Variants in FGF14 observed in about 807,000 individuals in gnomAD.
The protein encoded by FGF14 is fibroblast growth factor homologous factor 4.
In FGF14, 5 loss-of-function variants were observed where a neutral mutation model predicts 25.5. That is an observed-to-expected ratio of 0.20 (90% CI 0.10 to 0.41). FGF14 has a LOEUF of 0.41. Ranked by LOEUF, FGF14 falls within the 10% of genes least tolerant of loss-of-function variation. The pLI is 1.00. For missense variants in FGF14, 222 were observed against 320.1 expected, an observed-to-expected ratio of 0.69 and a Z score of 2.34; for synonymous variants, 138 against 118.3, an observed-to-expected ratio of 1.17 and a Z score of -1.08.
intron 1 of FGF14, among the ~76,000 whole-genome samples, chr13:102,181,325 A>G (rs1410720810): frequency 6.6e-6 from 1 of 152,184 alleles, no homozygotes; most frequent in African/African-American, 2.4e-5. Flanking sequence ...GACATGGTAA[A>G]AGGTAAAAGG....
intron 1 of FGF14, among the ~76,000 whole-genome samples, chr13:102,268,501 ATGT>A (rs2053099816): frequency 6.6e-6 from 1 of 152,074 alleles, no homozygotes; most frequent in South Asian, 2.1e-4. Flanking sequence ...TACATATATA[ATGT>A]TGTGGATACA....
intron 1 of FGF14, among the ~76,000 whole-genome samples, chr13:102,185,536 G>A (rs2048842134): frequency 6.7e-6 from 1 of 149,220 alleles, no homozygotes; most frequent in African/African-American, 2.6e-5. Context: ...AGAAATATAT[G>A]CATATTCTAT....
At chr13:102,295,003 T>C (rs1390090344) in intron 1 of FGF14, among the ~76,000 whole-genome samples, 1 of 152,172 alleles carries the variant, frequency 6.6e-6, no homozygotes, top group Non-Finnish European at 1.5e-5. Flanking sequence ...TATTTTAAAA[T>C]ACCTACTTTG....
rs148960140 is a variant in FGF14 at position 101,813,342 on chromosome 13, T to C, written c.408+55383A>G. ...GCTTTAGGAGGAGGTTACTGAGGACTGAGCCCTCATGGATAGAAATGGGGC... is the reference window on the plus strand; with the variant it reads ...GCTTTAGGAGGAGGTTACTGAGGACCGAGCCCTCATGGATAGAAATGGGGC... On this transcript the variant is annotated intron_variant, in intron 3 of 4. Coordinates refer to ENST00000376143, the MANE Select transcript of FGF14 (RefSeq NM_004115.4). 2.6e-5 allele frequency among the ~76,000 whole-genome samples: 4 copies of C among 152,338 alleles called. No individual in the cohort carries two copies. In the East Asian group the frequency reaches 5.8e-4, roughly 22 times the overall value.
intron 1 of FGF14, among the ~76,000 whole-genome samples, chr13:102,205,920 G>A (rs2049888994): frequency 7.0e-6 from 1 of 142,540 alleles, no homozygotes; most frequent in Admixed American, 7.4e-5. Context: ...TCCAGTTGGG[G>A]TGACGTGGAC....
At chr13:102,014,307 AT>A in intron 1 of FGF14, among the ~76,000 whole-genome samples, 3 of 152,300 alleles carry the variant, frequency 2.0e-5, no homozygotes, top group Middle Eastern at 6.8e-3. Flanking sequence ...CTTTTAGTTA[AT>A]TTTTAAATGA....
Position 101,714,811 on chromosome 13 carries a change from A to G in FGF14, c.*8020T>C, listed in dbSNP as rs1173266497. ...TCCACAAAGTAACCTCCCCACCCTCAAACTCACATGTATGCAGTTGTATAT... is the reference window on the plus strand; with the variant it reads ...TCCACAAAGTAACCTCCCCACCCTCGAACTCACATGTATGCAGTTGTATAT... On this transcript the variant is annotated 3_prime_UTR_variant, in exon 5 of 5. Transcript: ENST00000376143. 23 of 483,118 alleles carry G rather than the reference A, an allele frequency of 4.8e-5. No homozygotes were observed. The highest frequency in any genetic ancestry group is 8.1e-5 in the Non-Finnish European group (22 of 270,336). The allele number at this position is 483,118 out of a possible 1,614,324, so 29.9% of individuals were successfully genotyped here.
At chr13:102,220,233 T>A (rs917695477) in intron 1 of FGF14, among the ~76,000 whole-genome samples, 1 of 152,174 alleles carries the variant, frequency 6.6e-6, no homozygotes, top group South Asian at 2.1e-4. Flanking sequence ...TAATTTTTAA[T>A]CTTATTTTAG....
At chr13:102,129,340 C>G (rs928253647) in intron 1 of FGF14, among the ~76,000 whole-genome samples, 2 of 152,088 alleles carry the variant, frequency 1.3e-5, no homozygotes, top group Non-Finnish European at 2.9e-5. Context: ...AGGACATTGA[C>G]TAAACTTTGA....
intron 1 of FGF14, among the ~76,000 whole-genome samples, chr13:101,981,418 A>T (rs2038256114): frequency 6.6e-6 from 1 of 152,144 alleles, no homozygotes; most frequent in Admixed American, 6.6e-5. Flanking sequence ...TTGATCTTAA[A>T]CTTCCCAGCC....
intron 1 of FGF14, among the ~76,000 whole-genome samples, chr13:102,147,976 C>T (rs1047698176): frequency 1.3e-5 from 2 of 152,122 alleles, no homozygotes; most frequent in African/African-American, 4.8e-5. Context: ...GGCAAATGTC[C>T]AAAATGTAGC....
intron 3 of FGF14, among the ~76,000 whole-genome samples, chr13:101,772,001 T>A (rs1010126559): frequency 6.6e-6 from 1 of 152,026 alleles, no homozygotes; most frequent in African/African-American, 2.4e-5. Context: ...ATAAGTAATA[T>A]ATTCAAATAC....
At chr13:102,341,938 C>G (rs1284777517) in intron 1 of FGF14, among the ~76,000 whole-genome samples, 1 of 152,118 alleles carries the variant, frequency 6.6e-6, no homozygotes, top group Non-Finnish European at 1.5e-5. Flanking sequence ...ATGTTGTCAT[C>G]CAAACTGAAC....
At chr13:102,002,569 C>G (rs59095581) in intron 1 of FGF14, 4,128 of 162,084 alleles carry the variant, frequency 0.025, 166 homozygotes, top group African/African-American at 0.091. Flanking sequence ...GAATGTGCAG[C>G]CTACCAAAAT....
intron 1 of FGF14, among the ~76,000 whole-genome samples, chr13:102,158,409 C>T (rs975687900): frequency 5.3e-5 from 8 of 151,802 alleles, no homozygotes; most frequent in African/African-American, 1.9e-4. Context: ...TCTCAGCAAA[C>T]TATCACAAGG....
chr13:102,004,909 C>T (rs9557778), intron 1 of FGF14, among the ~76,000 whole-genome samples: 65,184 of 152,050 alleles, frequency 0.43, 14,976 homozygotes, highest in East Asian at 0.7. Flanking sequence ...TCTGATATGA[C>T]TGTAAGTTTC....
chr13:102,388,003 C>T lies in FGF14; in HGVS notation c.208+13468G>A, dbSNP rs1383035494. On this transcript the variant is annotated intron_variant, in intron 1 of 4. Coordinates refer to the FGF14 transcript ENST00000376131. ...TCAGCCTCTCAAAGTGCTGGGATTA[C>T]AGGCACGAGCCACCGTGCCCAGGCC... is the stretch of plus-strand genomic sequence containing the variant. 2.6e-5 allele frequency among the ~76,000 whole-genome samples: 4 copies of T among 152,322 alleles called. No individual in the cohort carries two copies. The South Asian group carries it at 8.3e-4, about 32-fold the overall frequency.
At chr13:101,785,818 T>C (rs1453674006) in intron 3 of FGF14, among the ~76,000 whole-genome samples, 1 of 152,194 alleles carries the variant, frequency 6.6e-6, no homozygotes, top group African/African-American at 2.4e-5. Flanking sequence ...AGTTAATTTA[T>C]AGTGCTTCTC....
chr13:101,889,748 C>T (rs1374713208), intron 1 of FGF14, among the ~76,000 whole-genome samples: 1 of 152,202 alleles, frequency 6.6e-6, no homozygotes. Context: ...TGAAGAAAAT[C>T]TGCATCTGAG....
Sources: allele counts gnomAD v4.1 joint callset (sites outside exome capture counted in the v4.1 genomes callset), GRCh38; gene constraint gnomAD v4.1.1; transcripts MANE v1.5; gene names NCBI Gene and HGNC (gene_info 2026-07-23, HGNC 2026-07-21).